ADAM29: variants seen among roughly 807,000 people sequenced by gnomAD.
ADAM29 encodes the protein disintegrin and metalloproteinase domain-containing protein 29.
For synonymous variants in ADAM29, 367 were observed against 342.3 expected (o/e 1.07, Z -0.80); for missense variants, 969 against 1,001.8 (o/e 0.97, Z 0.44).
At chr4:174,929,753 CTCTT>C (rs1238259798) in intron 2 of ADAM29, among the ~76,000 whole-genome samples, 11 of 94,292 alleles carry the variant, frequency 1.2e-4, no homozygotes, top group African/African-American at 1.4e-4. Flanking sequence ...ACATCTCTCT[CTCTT>C]TTTTTTTTTT....
intron 4 of ADAM29, among the ~76,000 whole-genome samples, chr4:174,942,464 C>T (rs1744593410): frequency 2.6e-5 from 4 of 152,124 alleles, no homozygotes; most frequent in African/African-American, 9.7e-5. Context: ...CTTCTGCACA[C>T]CCACAGGCCC....
intron 4 of ADAM29, among the ~76,000 whole-genome samples, chr4:174,957,414 C>T (rs11734301): frequency 0.42 from 63,343 of 151,424 alleles, 13,827 homozygotes; most frequent in African/African-American, 0.54. Context: ...AAATATCCCC[C>T]AAATTTTAAT....
chr4:174,977,815 A>G lies in ADAM29; in HGVS notation c.2290A>G (p.Thr764Ala). 3 of 1,587,348 alleles carry G rather than the reference A, an allele frequency of 1.9e-6. No homozygotes were observed. Among genetic ancestry groups the G allele is most frequent in the South Asian group, 2.2e-5 (2 of 89,284 alleles). Residue 764 changes from threonine to alanine, a missense_variant, in exon 5 of 5, where the codon ACA becomes GCA. By Grantham distance (58) the Thr-to-Ala change is moderately conservative. Coordinates refer to ENST00000359240, the MANE Select transcript of ADAM29 (RefSeq NM_014269.4). Reference protein sequence around the residue: ...VMPSQSQPPVTPSQSQPRVMP... With the variant: ...VMPSQSQPPVAPSQSQPRVMP... Reference sequence around the variant, plus strand: ...GCCTTCCCAGAGTCAACCTCCTGTGACACCCTCCCAGAGTCAACCTCGGGT... The same window carrying G: ...GCCTTCCCAGAGTCAACCTCCTGTGGCACCCTCCCAGAGTCAACCTCGGGT...
Position 174,976,816 on chromosome 4 carries a change from C to T in ADAM29, c.1291C>T (p.Leu431=). The T allele has an allele frequency of 1.2e-6, 2 of 1,614,178 alleles. No homozygotes were observed. The highest frequency in any genetic ancestry group is 1.7e-6 in the Non-Finnish European group (2 of 1,180,042). The change falls in exon 5 of 5, where the codon CTG becomes TTG. Residue 431 remains leucine, a synonymous_variant. Transcript: ENST00000359240. ...KDPCCLSNCT[L]TDGSTCAFGL... is the part of the protein sequence containing the mutation. ...TCCCTGCTGTCTGTCAAATTGCACT[C>T]TGACTGATGGTTCTACTTGTGCTTT...
chr4:174,956,447 A>G (rs539495784), intron 4 of ADAM29, among the ~76,000 whole-genome samples: 46 of 151,582 alleles, frequency 3.0e-4, no homozygotes, highest in Admixed American at 2.7e-3. Context: ...GTCCATATCT[A>G]TATCTTCAAA....
chr4:174,948,154 ATCTGTCATT>A (rs544372917), intron 4 of ADAM29, among the ~76,000 whole-genome samples: 1 of 152,176 alleles, frequency 6.6e-6, no homozygotes, highest in South Asian at 2.1e-4. Context: ...TGAATTCTGT[ATCTGTCATT>A]TCAGCCATTT....
rs376075788 is a variant in ADAM29, at chr4:174,977,113, C to G, written c.1588C>G (p.Arg530Gly). ...CAAAGAATTGAACACCTTAGGTGAC[C>G]GTGTTGGTCACTGTGGTATCAAAAA... ...CYKELNTLGDRVGHCGIKNAT... is the reference protein window; with the variant it reads ...CYKELNTLGDGVGHCGIKNAT... The change falls in exon 5 of 5, where the codon CGT (arginine) becomes GGT (glycine). Residue 530 changes from arginine to glycine, a missense_variant. By Grantham distance (125) the Arg-to-Gly change is moderately radical. Transcript: ENST00000359240. 1.2e-6 allele frequency: 2 copies of G among 1,613,762 alleles called. No individual in the cohort carries two copies. The highest frequency in any genetic ancestry group is 1.7e-6 in the Non-Finnish European group (2 of 1,179,948).
At chr4:174,945,585 T>A (rs1744798163) in intron 4 of ADAM29, among the ~76,000 whole-genome samples, 1 of 152,124 alleles carries the variant, frequency 6.6e-6, no homozygotes, top group Non-Finnish European at 1.5e-5. Flanking sequence ...TGTCTAGAAT[T>A]GTGTTTTCTA....
At chr4:174,972,032 T>C (rs1371400153) in intron 4 of ADAM29, among the ~76,000 whole-genome samples, 1 of 152,166 alleles carries the variant, frequency 6.6e-6, no homozygotes, top group Non-Finnish European at 1.5e-5. Context: ...GCTTCAAGAT[T>C]TCTGTTTTGG....
At chr4:174,929,144 C>G (rs1743694214) in intron 2 of ADAM29, among the ~76,000 whole-genome samples, 1 of 152,084 alleles carries the variant, frequency 6.6e-6, no homozygotes, top group African/African-American at 2.4e-5. Context: ...TGTAAAATAT[C>G]CTCTCCTCTT....
chr4:174,969,932 C>A (rs1373493229), intron 4 of ADAM29, among the ~76,000 whole-genome samples: 2 of 151,832 alleles, frequency 1.3e-5, no homozygotes, highest in East Asian at 1.9e-4. Context: ...GGATCTTGAC[C>A]ATATTGCCAC....
intron 1 of ADAM29, among the ~76,000 whole-genome samples, chr4:174,919,644 C>A (rs1743059265): frequency 6.6e-6 from 1 of 152,154 alleles, no homozygotes; most frequent in African/African-American, 2.4e-5. Flanking sequence ...TCTTTACTGG[C>A]AGCTTTCAAT....
At chr4:174,936,215 A>G (rs997588013) in intron 3 of ADAM29, among the ~76,000 whole-genome samples, 3 of 152,058 alleles carry the variant, frequency 2.0e-5, no homozygotes, top group Non-Finnish European at 2.9e-5. Context: ...TTCTGTCTCT[A>G]TAATATCAAT....
intron 4 of ADAM29, among the ~76,000 whole-genome samples, chr4:174,948,350 C>G (rs1744970462): frequency 6.6e-6 from 1 of 152,228 alleles, no homozygotes; most frequent in East Asian, 1.9e-4. Context: ...CTTTTATCTT[C>G]TTTGTTGCTC....
intron 4 of ADAM29, among the ~76,000 whole-genome samples, chr4:174,957,033 C>G (rs115211827): frequency 6.6e-6 from 1 of 151,892 alleles, no homozygotes; most frequent in Admixed American, 6.6e-5. Context: ...GCAAATAATA[C>G]TTAAGCCATT....
chr4:174,942,428 A>G (rs1560870988), intron 4 of ADAM29, among the ~76,000 whole-genome samples: 2 of 152,168 alleles, frequency 1.3e-5, no homozygotes, highest in Non-Finnish European at 2.9e-5. Flanking sequence ...AAATCTACGT[A>G]GAGGCTCCCA....
At chr4:174,946,707 CT>C (rs1317994627) in intron 4 of ADAM29, among the ~76,000 whole-genome samples, 2 of 151,916 alleles carry the variant, frequency 1.3e-5, no homozygotes, top group Non-Finnish European at 2.9e-5. Flanking sequence ...CTGAAGTTTT[CT>C]TTTTTTGTGG....
At chr4:174,965,052 A>T (rs1746068664) in intron 4 of ADAM29, among the ~76,000 whole-genome samples, 1 of 152,174 alleles carries the variant, frequency 6.6e-6, no homozygotes, top group African/African-American at 2.4e-5. Flanking sequence ...CATTTCACAG[A>T]GAAAAAGAGG....
chr4:174,966,735 G>A (rs993774063), intron 4 of ADAM29, among the ~76,000 whole-genome samples: 17 of 152,194 alleles, frequency 1.1e-4, no homozygotes, highest in African/African-American at 4.1e-4. Context: ...GCCTGGGTTA[G>A]TCAAGATCAT....
Sources: allele counts gnomAD v4.1 joint callset (sites outside exome capture counted in the v4.1 genomes callset), GRCh38; gene constraint gnomAD v4.1.1; transcripts MANE v1.5; gene names NCBI Gene and HGNC (gene_info 2026-07-23, HGNC 2026-07-21).